AKT3: variants seen among roughly 807,000 people sequenced by gnomAD.
AKT3 encodes AKT serine/threonine kinase 3, also known as RAC-gamma serine/threonine-protein kinase.
In AKT3, 15 loss-of-function variants were observed where a neutral mutation model predicts 65.3. The observed-to-expected ratio is 0.23, with a 90% CI of 0.15 to 0.35. The LOEUF (loss-of-function observed/expected upper bound fraction) is 0.35. Ranked by LOEUF, AKT3 falls within the 10% of genes least tolerant of loss-of-function variation. AKT3 has a pLI of 1.00. For synonymous variants in AKT3, 206 were observed against 183.8 expected (o/e 1.12, Z -0.98); for missense variants, 243 against 576.5 (o/e 0.42, Z 5.92).
At chr1:243,696,518 A>G (rs193175919) in intron 2 of AKT3, among the ~76,000 whole-genome samples, 105 of 152,162 alleles carry the variant, frequency 6.9e-4, no homozygotes, top group African/African-American at 2.3e-3. Context: ...CCATGATGCT[A>G]CAAGAGCTAG....
chr1:243,541,758 A>C, intron 12 of AKT3, among the ~76,000 whole-genome samples: 1 of 152,216 alleles, frequency 6.6e-6, no homozygotes, highest in East Asian at 1.9e-4. Context: ...AAATGAAGTA[A>C]AACTTTATTT....
intron 12 of AKT3, among the ~76,000 whole-genome samples, chr1:243,540,922 CT>C (rs1672269227): frequency 6.6e-6 from 1 of 152,180 alleles, no homozygotes; most frequent in Admixed American, 6.5e-5. Flanking sequence ...TTCAAAAGTA[CT>C]GTGCCCTTCT....
chr1:243,669,171 A>C (rs1264832508), intron 3 of AKT3, among the ~76,000 whole-genome samples: 1 of 152,170 alleles, frequency 6.6e-6, no homozygotes, highest in Non-Finnish European at 1.5e-5. Flanking sequence ...AAGCCCTATT[A>C]AATTTCCAGC....
rs146234876 is a variant in AKT3 at position 243,490,668 on chromosome 1, C to T, written c.*7-2218G>A. On this transcript the variant is annotated intron_variant, in intron 13 of 13. Transcript: ENST00000336199. ...TGCTGAGTGCAGGCGGGATGCCCCA[C>T]GGGCCCTTGGGCACACAGGCTGAGG... Among the ~76,000 whole-genome samples, 629 of 152,354 alleles carry T rather than the reference C, an allele frequency of 4.1e-3. 4 individuals are homozygous for T. Among genetic ancestry groups the T allele is most frequent in the African/African-American group, 0.014 (602 of 41,586 alleles).
chr1:243,525,763 AAAAGTAAGAAAGAAAG>A (rs1431342531), intron 12 of AKT3, among the ~76,000 whole-genome samples: 34 of 28,622 alleles, frequency 1.2e-3, no homozygotes, highest in African/African-American at 4.9e-3. Context: ...GACAACTTCC[AAAAGTAAGAAAGAAAG>A]AAAGAAAGAA....
chr1:243,692,691 T>G (rs1383499710), intron 3 of AKT3, among the ~76,000 whole-genome samples: 1 of 151,934 alleles, frequency 6.6e-6, no homozygotes, highest in African/African-American at 2.4e-5. Flanking sequence ...TGAGCCAAGA[T>G]CATGCCATTG....
At chr1:243,594,593 G>A (rs547928770) in intron 8 of AKT3, among the ~76,000 whole-genome samples, 1 of 152,268 alleles carries the variant, frequency 6.6e-6, no homozygotes, top group East Asian at 1.9e-4. Flanking sequence ...ATTTTCAACA[G>A]AGGTACCCAA....
At chr1:243,784,917 C>T (rs901615802) in intron 2 of AKT3, among the ~76,000 whole-genome samples, 8 of 152,098 alleles carry the variant, frequency 5.3e-5, no homozygotes, top group East Asian at 1.9e-4. Context: ...TGCACCACCA[C>T]GCCTAGCTAT....
At chr1:243,506,137 C>T (rs938565047) in intron 13 of AKT3, among the ~76,000 whole-genome samples, 2 of 152,250 alleles carry the variant, frequency 1.3e-5, no homozygotes, top group South Asian at 4.1e-4. Flanking sequence ...AGTCAACATG[C>T]GCTCCCACGC....
chr1:243,579,948 A>T (rs1675209329), intron 8 of AKT3, among the ~76,000 whole-genome samples: 1 of 152,232 alleles, frequency 6.6e-6, no homozygotes, highest in Non-Finnish European at 1.5e-5. Context: ...ATATAAAATT[A>T]AAAAACTAGA....
chr1:243,671,743 G>C (rs1272539302), intron 3 of AKT3, among the ~76,000 whole-genome samples: 1 of 152,038 alleles, frequency 6.6e-6, no homozygotes, highest in Non-Finnish European at 1.5e-5. Flanking sequence ...TTAATCCAAA[G>C]GAAAAACCTA....
In AKT3 at chr1:243,519,089, G is replaced by A. The variant is rs544731783; in HGVS notation, c.1252-6663C>T. ...GAAGGGATGAGACAATGTGGAAGAC[G>A]AAGCCAGCAGCGACAGACCATCCAC... On this transcript the variant is annotated intron_variant, in intron 12 of 13. Coordinates refer to ENST00000673466, the MANE Select transcript of AKT3 (RefSeq NM_005465.7). Among the ~76,000 whole-genome samples the A allele has an allele frequency of 3.3e-5, 5 of 152,292 alleles. No individual in the cohort carries two copies. The South Asian group carries it at 8.3e-4, about 25-fold the overall frequency.
intron 8 of AKT3, among the ~76,000 whole-genome samples, chr1:243,592,220 A>C (rs373534608): frequency 6.6e-6 from 1 of 152,118 alleles, no homozygotes; most frequent in Non-Finnish European, 1.5e-5. Flanking sequence ...CTGTAGTCCC[A>C]GCTACTCTGG....
At chr1:243,668,901 C>A (rs1682984055) in intron 3 of AKT3, among the ~76,000 whole-genome samples, 1 of 152,050 alleles carries the variant, frequency 6.6e-6, no homozygotes, top group South Asian at 2.1e-4. Flanking sequence ...ATCAATAGGT[C>A]ATAAAATCTA....
intron 2 of AKT3, among the ~76,000 whole-genome samples, chr1:243,783,696 A>T (rs927669754): frequency 6.6e-6 from 1 of 152,364 alleles, no homozygotes; most frequent in South Asian, 2.1e-4. Flanking sequence ...TCTTCTCTAT[A>T]GTCTTCTGAC....
At chr1:243,496,290 TG>T (rs1261471941), downstream of AKT3, among the ~76,000 whole-genome samples, 32 of 152,184 alleles carry the variant, frequency 2.1e-4, no homozygotes, top group African/African-American at 6.8e-4. Flanking sequence ...CGGGCCTGGC[TG>T]GAACAGCTGC....
intron 3 of AKT3, among the ~76,000 whole-genome samples, chr1:243,682,508 G>T (rs933770264): frequency 6.6e-6 from 1 of 152,132 alleles, no homozygotes; most frequent in East Asian, 1.9e-4. Context: ...AATAAAACAC[G>T]AGGTAAGCTA....
At chr1:243,831,636 A>C (rs967260802) in intron 2 of AKT3, among the ~76,000 whole-genome samples, 7 of 152,190 alleles carry the variant, frequency 4.6e-5, no homozygotes, top group Non-Finnish European at 7.4e-5. Flanking sequence ...CAGTTACTCA[A>C]AGAGAGAAAA....
At chr1:243,766,653 T>C (rs1689846229) in intron 2 of AKT3, among the ~76,000 whole-genome samples, 1 of 152,138 alleles carries the variant, frequency 6.6e-6, no homozygotes, top group African/African-American at 2.4e-5. Flanking sequence ...ACATAAAATA[T>C]TATCTTGATT....
Sources: allele counts gnomAD v4.1 joint callset (sites outside exome capture counted in the v4.1 genomes callset), GRCh38; gene constraint gnomAD v4.1.1; transcripts MANE v1.5; gene names NCBI Gene and HGNC (gene_info 2026-07-23, HGNC 2026-07-21).